The following FNIP1 variants were observed in gnomAD, a reference collection of about 807,000 sequenced individuals.
FNIP1 encodes folliculin interacting protein 1, also known as folliculin-interacting protein 1.
In FNIP1, 40 loss-of-function variants were observed where a neutral mutation model predicts 124.5. That is an observed-to-expected ratio of 0.32 (90% CI 0.25 to 0.42). The LOEUF (loss-of-function observed/expected upper bound fraction) is 0.42. Among genes scored for constraint, FNIP1 ranks in the 10% least tolerant of loss-of-function variants. The pLI, the probability that FNIP1 is intolerant of heterozygous loss-of-function variation, is 1.00. For missense variants in FNIP1, 1,176 were observed against 1,403.7 expected (o/e 0.84, Z 2.59); for synonymous variants, 472 against 470.6 (o/e 1.00, Z -0.04).
At chr5:131,786,230 A>G (rs959963768) in intron 1 of FNIP1, among the ~76,000 whole-genome samples, 8 of 152,226 alleles carry the variant, frequency 5.3e-5, no homozygotes, top group African/African-American at 1.7e-4. Context: ...TTCATCAAAT[A>G]TTTATTGAAT....
chr5:131,773,570 TAG>T (rs1196968399), intron 1 of FNIP1, among the ~76,000 whole-genome samples: 2 of 152,246 alleles, frequency 1.3e-5, no homozygotes, highest in African/African-American at 4.8e-5. Flanking sequence ...ATAGGAATCA[TAG>T]ATAGTTTCAT....
intron 1 of FNIP1, among the ~76,000 whole-genome samples, chr5:131,793,336 A>T (rs974950802): frequency 1.1e-4 from 17 of 152,188 alleles, no homozygotes; most frequent in Non-Finnish European, 2.2e-4. Flanking sequence ...AACCCAGCCC[A>T]AAATAATCAC....
chr5:131,709,113 C>A (rs2149535706), intron 8 of FNIP1, 88 bp downstream of exon 8: 2 of 1,058,520 alleles, frequency 1.9e-6, no homozygotes, highest in East Asian at 4.7e-5. Context: ...TCAATATGAA[C>A]AAATTTGATA....
At chr5:131,687,090 T>A in intron 11 of FNIP1, among the ~76,000 whole-genome samples, 1 of 151,008 alleles carries the variant, frequency 6.6e-6, no homozygotes, top group African/African-American at 2.4e-5. Context: ...CAATTTAGGT[T>A]GTGGTTTGTT....
At chr5:131,724,342 C>T (rs1051492201) in intron 3 of FNIP1, among the ~76,000 whole-genome samples, 12 of 152,280 alleles carry the variant, frequency 7.9e-5, no homozygotes, top group African/African-American at 2.9e-4. Context: ...TAAAAGTGTT[C>T]CTATTTCTCC....
intron 1 of FNIP1, among the ~76,000 whole-genome samples, chr5:131,779,435 T>C (rs968777665): frequency 9.9e-5 from 15 of 152,010 alleles, no homozygotes; most frequent in African/African-American, 3.6e-4. Context: ...ATCCCAGCAC[T>C]TTGGGAGACC....
chr5:131,745,162 A>G (rs1182299183), intron 1 of FNIP1, among the ~76,000 whole-genome samples: 3 of 152,122 alleles, frequency 2.0e-5, no homozygotes, highest in Non-Finnish European at 4.4e-5. Context: ...ACAAGCCAAA[A>G]AAAAAAAAGT....
intron 2 of FNIP1, among the ~76,000 whole-genome samples, chr5:131,735,030 C>G (rs1448217884): frequency 6.6e-6 from 1 of 152,054 alleles, no homozygotes; most frequent in African/African-American, 2.4e-5. Flanking sequence ...TGCAGCACTA[C>G]TCACAATAGC....
intron 1 of FNIP1, among the ~76,000 whole-genome samples, chr5:131,764,888 T>TA (rs1301683112): frequency 2.6e-5 from 4 of 152,086 alleles, no homozygotes; most frequent in African/African-American, 4.8e-5. Context: ...TTGGTGAAAT[T>TA]AAAACTTCCT....
At chr5:131,766,898 G>A (rs1396390696) in intron 1 of FNIP1, among the ~76,000 whole-genome samples, 1 of 151,962 alleles carries the variant, frequency 6.6e-6, no homozygotes, top group Non-Finnish European at 1.5e-5. Context: ...TTCTGTCTAG[G>A]CCCCCAGCCA....
chr5:131,775,716 C>A (rs901020751), intron 1 of FNIP1, among the ~76,000 whole-genome samples: 1 of 151,662 alleles, frequency 6.6e-6, no homozygotes, highest in Admixed American at 6.6e-5. Context: ...TTAGTAGAGA[C>A]GGGGTTTCAC....
chr5:131,680,044 T>G (rs1337461454), intron 11 of FNIP1, among the ~76,000 whole-genome samples: 1 of 152,228 alleles, frequency 6.6e-6, no homozygotes. Flanking sequence ...CTGGCAATGA[T>G]GGAAACCTGC....
chr5:131,742,514 G>A (rs546008309), intron 2 of FNIP1, among the ~76,000 whole-genome samples: 2 of 152,184 alleles, frequency 1.3e-5, no homozygotes, highest in East Asian at 3.9e-4. Flanking sequence ...AAAAGGCTTT[G>A]GTATATTAAA....
chr5:131,734,448 A>G (rs1770214693), intron 2 of FNIP1, among the ~76,000 whole-genome samples: 1 of 152,196 alleles, frequency 6.6e-6, no homozygotes. Context: ...ACAAAAGCCA[A>G]AATTGACAAA....
chr5:131,682,513 G>A (rs1324028377), intron 11 of FNIP1, among the ~76,000 whole-genome samples: 1 of 151,946 alleles, frequency 6.6e-6, no homozygotes, highest in Non-Finnish European at 1.5e-5. Context: ...GAGGTTGAGA[G>A]TTCAAGACCA....
chr5:131,790,460 T>C (rs918781856), intron 1 of FNIP1, among the ~76,000 whole-genome samples: 9 of 105,858 alleles, frequency 8.5e-5, no homozygotes, highest in African/African-American at 2.9e-4. Context: ...GCCTGGGCGA[T>C]AGAGCAAGAA....
intron 15 of FNIP1, among the ~76,000 whole-genome samples, chr5:131,669,286 A>T (rs1767684682): frequency 6.6e-6 from 1 of 152,186 alleles, no homozygotes; most frequent in Admixed American, 6.5e-5. Flanking sequence ...TAGAGAAAAA[A>T]AGTAGTACTA....
At position 131,753,772 on chromosome 5, in the gene FNIP1, A is replaced by G. The variant is rs1353175773; in HGVS notation, c.93-9082T>C. On this transcript the variant is annotated intron_variant, in intron 1 of 17. Transcript: ENST00000510461. ...AAAGACTACTAAAAAAAGTAATACT[A>G]TATTCATCAAGTTACATTACATTAT... Among the ~76,000 whole-genome samples the G allele has an allele frequency of 2.6e-5, 4 of 152,132 alleles. 1 individual carries two copies. The South Asian group carries it at 6.2e-4, about 24-fold the overall frequency.
chr5:131,676,805 G>A (rs1767925585), intron 13 of FNIP1, among the ~76,000 whole-genome samples: 1 of 152,122 alleles, frequency 6.6e-6, no homozygotes, highest in African/African-American at 2.4e-5. Context: ...TAAAATGGAA[G>A]GGAATGGGGG....
Sources: gnomAD v4.1 joint callset for allele counts (sites outside exome capture counted in the v4.1 genomes callset) on GRCh38, gnomAD v4.1.1 for gene constraint, MANE v1.5 for transcripts, NCBI Gene and HGNC (gene_info 2026-07-23, HGNC 2026-07-21) for gene names.